Variants in SHISAL1 observed in about 807,000 individuals in gnomAD.
SHISAL1 encodes the protein protein shisa-like-1.
Under a neutral mutation model 22.6 loss-of-function variants are expected in SHISAL1, and 9 were observed. The observed-to-expected ratio is 0.40, with a 90% confidence interval of 0.24 to 0.70. SHISAL1 has a LOEUF of 0.70. SHISAL1 is among the 30% of genes least tolerant of loss of function. The pLI is 0.39. For missense variants in SHISAL1, 246 were observed against 270.6 expected (o/e 0.91, Z 0.64); for synonymous variants, 119 against 115.4 (o/e 1.03, Z -0.20).
intron 4 of SHISAL1, among the ~76,000 whole-genome samples, chr22:44,267,890 A>C (rs2055175838): frequency 6.6e-6 from 1 of 152,236 alleles, no homozygotes; most frequent in African/African-American, 2.4e-5. Flanking sequence ...AGGCCATGGA[A>C]GGCTGTGGAT....
intron 4 of SHISAL1, among the ~76,000 whole-genome samples, chr22:44,282,890 T>C (rs1333242415): frequency 6.6e-6 from 1 of 152,152 alleles, no homozygotes; most frequent in Non-Finnish European, 1.5e-5. Flanking sequence ...TTTCATTGAC[T>C]GGGACACCAC....
At chr22:44,286,001 G>C (rs1356624716) in intron 3 of SHISAL1, among the ~76,000 whole-genome samples, 2 of 152,188 alleles carry the variant, frequency 1.3e-5, no homozygotes, top group Non-Finnish European at 2.9e-5. Flanking sequence ...CTTGGGCTGG[G>C]ATCCCTGAGG....
chr22:44,262,488 T>A (rs769850732), intron 4 of SHISAL1, among the ~76,000 whole-genome samples: 1 of 152,188 alleles, frequency 6.6e-6, no homozygotes. Flanking sequence ...GCACCTCCCA[T>A]GCGTGTGGAG....
Position 44,296,893 on chromosome 22 carries a change from A to G in SHISAL1, c.68-8T>C. On this transcript the variant is annotated splice_region_variant and splice_polypyrimidine_tract_variant and intron_variant, in intron 2 of 4. Coordinates refer to ENST00000381176, the MANE Select transcript of SHISAL1 (RefSeq NM_001099294.2). Reference sequence around the variant, plus strand: ...GGAAATGTGCAGACAAGACTGGAAGACAGAGTCACCAGGCTCAGAGGGGTC... The same window carrying G: ...GGAAATGTGCAGACAAGACTGGAAGGCAGAGTCACCAGGCTCAGAGGGGTC... 1 of 1,608,854 alleles carries G rather than the reference A, an allele frequency of 6.2e-7. No individual in the cohort carries two copies. Among genetic ancestry groups the G allele is most frequent in the South Asian group, 1.1e-5 (1 of 90,920 alleles).
At position 44,249,630 on chromosome 22, in the gene SHISAL1, G is replaced by T; in HGVS notation, c.*55C>A. The stretch of plus-strand genomic sequence containing the variant: ...GTAGAAGTTGTTCTTCTCGGAGGCT[G>T]CACCGGGTGCTTCAGATCTCATCTC... On this transcript the variant is annotated 3_prime_UTR_variant, in exon 5 of 5. Transcript: ENST00000381176. The T allele has an allele frequency of 1.3e-6, 1 of 778,644 alleles. No homozygotes were observed. Among genetic ancestry groups the T allele is most frequent in the Admixed American group, 1.7e-5 (1 of 58,610 alleles). The allele number at this position is 778,644 out of a possible 1,614,324, so 48.2% of individuals were successfully genotyped here.
At chr22:44,266,999 G>A (rs2055168747) in intron 4 of SHISAL1, among the ~76,000 whole-genome samples, 1 of 152,164 alleles carries the variant, frequency 6.6e-6, no homozygotes, top group South Asian at 2.1e-4. Context: ...GCTATTTGGT[G>A]CCAGCTATGC....
intron 1 of SHISAL1, among the ~76,000 whole-genome samples, chr22:44,304,323 T>G (rs372753754): frequency 2.4e-4 from 36 of 152,256 alleles, no homozygotes; most frequent in Admixed American, 7.2e-4. Flanking sequence ...ACAGTGCTCA[T>G]GGCCTGGCCC....
In SHISAL1 at chr22:44,300,897, A is replaced by G. The variant is rs1186593511; in HGVS notation, c.49T>C (p.Ser17Pro). 6.2e-7 allele frequency: 1 copy of G among 1,614,102 alleles called. No homozygotes were observed. The highest frequency in any genetic ancestry group is 1.7e-5 in the Admixed American group (1 of 60,024). ...GTTTTACCTGCAGAAAACAGCAATGAGAAGAGGACGGCGAGCACGTTCAAG... is the reference window on the plus strand; with the variant it reads ...GTTTTACCTGCAGAAAACAGCAATGGGAAGAGGACGGCGAGCACGTTCAAG... Reference protein sequence around the residue: ...QSLNVLAVLFSLLFSAVLSAH... With the variant: ...QSLNVLAVLFPLLFSAVLSAH... The change falls in exon 2 of 5, where the codon TCA becomes CCA. Residue 17 changes from serine (S) to proline (P), a missense_variant. Around this residue, in one of 2 missense-constraint regions of SHISAL1, gnomAD observed 110 missense variants for 153.1 expected, o/e 0.72. Coordinates refer to ENST00000381176, the MANE Select transcript of SHISAL1 (RefSeq NM_001099294.2).
rs545165097 is a variant in SHISAL1, at chr22:44,246,130, C to G, written c.*3555G>C. ...AGGCTGCTTCTCTAGGTGCAGGGCA[C>G]GTTCAGAGGCTAACTTGAGGGCAGC... On this transcript the variant is annotated 3_prime_UTR_variant, in exon 5 of 5. Transcript: ENST00000381176. The G allele has an allele frequency of 6.6e-6, 1 of 152,218 alleles. No individual in the cohort carries two copies. Among genetic ancestry groups the G allele is most frequent in the Non-Finnish European group, 1.5e-5 (1 of 68,068 alleles). The allele number at this position is 152,218 out of a possible 1,614,324, so 9.4% of individuals were successfully genotyped here. A position where few individuals can be genotyped will look rare whatever the true frequency, so the allele number is the denominator to read the frequency against.
chr22:44,252,763 G>A (rs1403337680), intron 4 of SHISAL1, among the ~76,000 whole-genome samples: 3 of 152,094 alleles, frequency 2.0e-5, no homozygotes, highest in Non-Finnish European at 4.4e-5. Context: ...GGGAGGCTGA[G>A]GCAGGTAGAT....
intron 3 of SHISAL1, among the ~76,000 whole-genome samples, chr22:44,292,354 C>T (rs982903412): frequency 3.3e-5 from 5 of 152,180 alleles, no homozygotes; most frequent in African/African-American, 9.7e-5. Context: ...GGGTCTGGTG[C>T]GGTCCCCAGT....
intron 4 of SHISAL1, among the ~76,000 whole-genome samples, chr22:44,258,647 T>C (rs1238494449): frequency 6.6e-6 from 1 of 152,178 alleles, no homozygotes; most frequent in Non-Finnish European, 1.5e-5. Context: ...AAGAACATGA[T>C]CTTGTTCTTT....
At chr22:44,316,434 A>G (rs1326522374), upstream of SHISAL1, among the ~76,000 whole-genome samples, 1 of 152,036 alleles carries the variant, frequency 6.6e-6, no homozygotes. Context: ...AAGGATTTGC[A>G]TCTCTCCCAG....
chr22:44,282,693 A>G (rs2055284937), intron 4 of SHISAL1, among the ~76,000 whole-genome samples: 1 of 152,168 alleles, frequency 6.6e-6, no homozygotes, highest in South Asian at 2.1e-4. Context: ...GTGAAGAGAG[A>G]TTTTGAAGAG....
chr22:44,317,637 C>T (rs2055566284), upstream of SHISAL1, among the ~76,000 whole-genome samples: 1 of 152,208 alleles, frequency 6.6e-6, no homozygotes, highest in Non-Finnish European at 1.5e-5. Context: ...GCTCTGTGGG[C>T]TGTTCCCATG....
chr22:44,327,587 G>A, the SHISAL1 span, among the ~76,000 whole-genome samples: 1 of 152,148 alleles, frequency 6.6e-6, no homozygotes, highest in Non-Finnish European at 1.5e-5. Context: ...CTGCCCGGGG[G>A]TGGGTCTCAG....
intron 3 of SHISAL1, among the ~76,000 whole-genome samples, chr22:44,295,199 G>A (rs117167833): frequency 1.4e-4 from 22 of 151,726 alleles, no homozygotes; most frequent in Non-Finnish European, 3.1e-4. Flanking sequence ...AGCAAGTGAA[G>A]CCAACTGCAT....
In SHISAL1 at chr22:44,248,266, C is replaced by T. The variant is rs1451431553; in HGVS notation, c.*1419G>A. On this transcript the variant is annotated 3_prime_UTR_variant, in exon 5 of 5. Coordinates refer to ENST00000381176, the MANE Select transcript of SHISAL1 (RefSeq NM_001099294.2). Reference sequence around the variant, plus strand: ...AATGGATGGGTGGTCAGTGTGAGAACACTAGGTCTGATGAAATGAGGAAAC... The same window carrying T: ...AATGGATGGGTGGTCAGTGTGAGAATACTAGGTCTGATGAAATGAGGAAAC... 3.4e-5 allele frequency: 5 copies of T among 146,490 alleles called. No individual in the cohort carries two copies. Among genetic ancestry groups the T allele is most frequent in the Non-Finnish European group, 4.4e-5 (3 of 67,976 alleles). 9.1% of individuals were successfully genotyped at this position (146,490 alleles called of 1,614,324 possible).
chr22:44,298,474 G>A (rs1378314575), intron 2 of SHISAL1, among the ~76,000 whole-genome samples: 3 of 150,952 alleles, frequency 2.0e-5, no homozygotes, highest in African/African-American at 7.4e-5. Context: ...TTGGGTTTGG[G>A]GCCCACTGGC....
Sources: gnomAD v4.1 joint callset for allele counts (sites outside exome capture counted in the v4.1 genomes callset) on GRCh38, gnomAD v4.1.1 for gene constraint, gnomAD v4.1.1 regional missense constraint, MANE v1.5 for transcripts, NCBI Gene and HGNC (gene_info 2026-07-23, HGNC 2026-07-21) for gene names.